The following TYW1 variants were observed in gnomAD, a reference collection of about 807,000 sequenced individuals.
The protein encoded by TYW1 is tRNA-yW synthesizing protein 1 homolog.
Under a neutral mutation model 96.2 loss-of-function variants are expected in TYW1, and 46 were observed. That is an observed-to-expected ratio of 0.48 (90% CI 0.38 to 0.61). The LOEUF (loss-of-function observed/expected upper bound fraction) is 0.61. Ranked by LOEUF, TYW1 falls within the 20% of genes least tolerant of loss-of-function variation. The pLI, the probability that TYW1 is intolerant of heterozygous loss-of-function variation, is 0.00. For synonymous variants in TYW1, 274 were observed against 323.0 expected, an observed-to-expected ratio of 0.85 and a Z score of 1.63; for missense variants, 684 against 909.6, an observed-to-expected ratio of 0.75 and a Z score of 3.19.
intron 12 of TYW1, among the ~76,000 whole-genome samples, chr7:67,101,650 G>A (rs541595259): frequency 1.3e-5 from 2 of 151,898 alleles, no homozygotes; most frequent in Admixed American, 6.6e-5. Context: ...CCAGTAGCTG[G>A]GACTACAGGC....
chr7:67,187,243 T>C (rs1479774845), intron 14 of TYW1, among the ~76,000 whole-genome samples: 1 of 152,068 alleles, frequency 6.6e-6, no homozygotes, highest in Admixed American at 6.6e-5. Flanking sequence ...TGTGTACTTT[T>C]TGTAGAGACA....
chr7:67,071,897 C>G (rs1359297587), intron 10 of TYW1, among the ~76,000 whole-genome samples: 1 of 151,978 alleles, frequency 6.6e-6, no homozygotes, highest in Non-Finnish European at 1.5e-5. Context: ...GCCGGGATTA[C>G]AGACTTGAGC....
At chr7:66,997,517 C>A (rs1793217114) in intron 1 of TYW1, among the ~76,000 whole-genome samples, 4 of 152,180 alleles carry the variant, frequency 2.6e-5, no homozygotes, top group Admixed American at 2.6e-4. Context: ...TCTAAATGCT[C>A]ATTTCGAAGT....
Position 67,224,963 on chromosome 7 carries a change from G to C in TYW1, c.1978-13345G>C, listed in dbSNP as rs541879705. On this transcript the variant is annotated intron_variant, in intron 15 of 15. Coordinates refer to ENST00000359626, the MANE Select transcript of TYW1 (RefSeq NM_018264.4). ...CCCAGCACTTTGAGAGGCTGAGGCG[G>C]GTGGATCACCTGAGGTCAGGGGTTC... Among the ~76,000 whole-genome samples, 3 of 152,156 alleles carry C rather than the reference G, an allele frequency of 2.0e-5. No homozygotes were observed. The South Asian group carries it at 6.2e-4, about 32-fold the overall frequency.
chr7:67,006,744 AT>A (rs550490314), intron 3 of TYW1, among the ~76,000 whole-genome samples: 3 of 151,534 alleles, frequency 2.0e-5, no homozygotes, highest in Non-Finnish European at 4.4e-5. Flanking sequence ...CCGGCCAGGT[AT>A]TTTTTTTATA....
At chr7:67,066,017 ACACACACACACACACC>A (rs1795851781) in intron 9 of TYW1, among the ~76,000 whole-genome samples, 1 of 135,320 alleles carries the variant, frequency 7.4e-6, no homozygotes. Flanking sequence ...ACACACACAC[ACACACACACACACACC>A]CACACCCCTA....
At chr7:67,133,256 T>TC (rs57371383) in intron 13 of TYW1, among the ~76,000 whole-genome samples, 3 of 151,518 alleles carry the variant, frequency 2.0e-5, no homozygotes, top group Non-Finnish European at 4.4e-5. Context: ...CCCACCTCAG[T>TC]CCCCCCACGA....
At chr7:67,046,111 T>A (rs2129259423) in intron 7 of TYW1, among the ~76,000 whole-genome samples, 1 of 152,192 alleles carries the variant, frequency 6.6e-6, no homozygotes, top group East Asian at 1.9e-4. Context: ...ATTAGTGAAG[T>A]GTGATCTGAT....
intron 7 of TYW1, among the ~76,000 whole-genome samples, 190 bp downstream of exon 7, chr7:67,025,212 A>C (rs1794408513): frequency 1.3e-5 from 2 of 152,174 alleles, no homozygotes; most frequent in Non-Finnish European, 2.9e-5. Flanking sequence ...AGGCCTGTGA[A>C]AGTCAGCTCA....
At chr7:67,184,934 C>T (rs1052876968) in intron 14 of TYW1, among the ~76,000 whole-genome samples, 27 of 151,996 alleles carry the variant, frequency 1.8e-4, no homozygotes, top group African/African-American at 6.5e-4. Flanking sequence ...TCTCGAACTC[C>T]TGACCTTGAG....
At chr7:67,073,090 C>G (rs545814212) in intron 10 of TYW1, among the ~76,000 whole-genome samples, 1 of 151,824 alleles carries the variant, frequency 6.6e-6, no homozygotes, top group Non-Finnish European at 1.5e-5. Flanking sequence ...TATTCTTTTA[C>G]TTGTATTTCC....
At chr7:67,122,714 C>A (rs1797795864) in intron 13 of TYW1, among the ~76,000 whole-genome samples, 1 of 152,150 alleles carries the variant, frequency 6.6e-6, no homozygotes, top group Non-Finnish European at 1.5e-5. Context: ...ACAGTGTAGT[C>A]ATTTCATCCT....
intron 15 of TYW1, among the ~76,000 whole-genome samples, chr7:67,235,898 A>AAAG (rs1418699504): frequency 1.5e-5 from 2 of 136,634 alleles, no homozygotes; most frequent in Non-Finnish European, 3.2e-5. Flanking sequence ...TGTCTCAAAA[A>AAAG]AAAAAAAAAA....
intron 13 of TYW1, among the ~76,000 whole-genome samples, chr7:67,172,034 T>C (rs1799528982): frequency 6.6e-6 from 1 of 152,164 alleles, no homozygotes; most frequent in Non-Finnish European, 1.5e-5. Context: ...CTTTATCTTT[T>C]TGAGTGTTTA....
At chr7:66,997,395 A>G (rs1793209505) in intron 1 of TYW1, among the ~76,000 whole-genome samples, 1 of 152,232 alleles carries the variant, frequency 6.6e-6, no homozygotes, top group Non-Finnish European at 1.5e-5. Context: ...CTTTGAAAGT[A>G]CAGTTAGTAA....
chr7:67,132,554 A>T (rs1467437636), intron 13 of TYW1, among the ~76,000 whole-genome samples: 5 of 152,156 alleles, frequency 3.3e-5, no homozygotes, highest in Admixed American at 1.3e-4. Flanking sequence ...CCATTTTTTT[A>T]AAATAAAAAA....
chr7:67,165,473 C>A (rs902450868), intron 13 of TYW1, among the ~76,000 whole-genome samples: 2 of 150,962 alleles, frequency 1.3e-5, no homozygotes, highest in African/African-American at 2.5e-5. Context: ...ATAACCAATT[C>A]CGTGTAACCA....
intron 15 of TYW1, among the ~76,000 whole-genome samples, chr7:67,237,479 T>A (rs1321376729): frequency 7.2e-6 from 1 of 138,172 alleles, no homozygotes; most frequent in Non-Finnish European, 1.5e-5. Flanking sequence ...CAGCCTGGGC[T>A]ACAGAGTGAG....
At chr7:67,023,535 A>G (rs1278593146) in intron 6 of TYW1, among the ~76,000 whole-genome samples, 1 of 152,058 alleles carries the variant, frequency 6.6e-6, no homozygotes, top group Non-Finnish European at 1.5e-5. Flanking sequence ...TGGGAGGCTG[A>G]GGCGGGCGCG....
Sources: allele counts gnomAD v4.1 joint callset (sites outside exome capture counted in the v4.1 genomes callset), GRCh38; gene constraint gnomAD v4.1.1; transcripts MANE v1.5; gene names NCBI Gene and HGNC (gene_info 2026-07-23, HGNC 2026-07-21).